Variants in GLT1D1 observed in about 807,000 individuals in gnomAD.
GLT1D1 encodes glycosyltransferase 1 domain-containing protein 1.
A neutral mutation model predicts 28.7 loss-of-function variants in GLT1D1; 21 were observed. The observed-to-expected ratio is 0.73, with a 90% CI of 0.52 to 1.05. GLT1D1 has a LOEUF of 1.05. Ranked by LOEUF, GLT1D1 falls within the 50% of genes least tolerant of loss-of-function variation. GLT1D1 has a pLI of 0.00. For synonymous variants in GLT1D1, 147 were observed against 124.8 expected (o/e 1.18, Z -1.19); for missense variants, 343 against 330.6 (o/e 1.04, Z -0.29).
chr12:128,867,646 C>T (rs755504028), intron 1 of GLT1D1, among the ~76,000 whole-genome samples: 6 of 152,148 alleles, frequency 3.9e-5, no homozygotes, highest in South Asian at 2.1e-4. Flanking sequence ...CCCCAGCAGG[C>T]GCCAGTGCCT....
chr12:128,957,684 G>T, intron 7 of GLT1D1, 41 bp downstream of exon 11: 1 of 1,247,974 alleles, frequency 8.0e-7, no homozygotes, highest in South Asian at 1.2e-5. Context: ...CACCTTATCT[G>T]AATAGTTTTC....
At chr12:128,937,417 A>C (rs1333580043) in intron 4 of GLT1D1, among the ~76,000 whole-genome samples, 7 of 152,156 alleles carry the variant, frequency 4.6e-5, no homozygotes, top group African/African-American at 1.7e-4. Flanking sequence ...AAGGTGGGCA[A>C]GTATCAAAAG....
intron 1 of GLT1D1, among the ~76,000 whole-genome samples, chr12:128,867,382 A>G (rs1436016951): frequency 7.6e-6 from 1 of 131,758 alleles, no homozygotes; most frequent in Non-Finnish European, 1.6e-5. Context: ...GGGCAACAAG[A>G]GTGAAACTCC....
chr12:128,933,839 C>T (rs1874211762), intron 4 of GLT1D1, among the ~76,000 whole-genome samples: 1 of 152,132 alleles, frequency 6.6e-6, no homozygotes, highest in African/African-American at 2.4e-5. Flanking sequence ...GGGACTAAGG[C>T]GATTTCATGC....
rs1354882088 is a variant in GLT1D1 at position 128,931,700 on chromosome 12, T to C, written c.376-13626T>C. ...GCACAGTGAGTGTAAAAAGTGTTTG[T>C]CTTCCCTCCTAAAGTGTCTGTTAGG... On this transcript the variant is annotated intron_variant, in intron 4 of 7. Transcript: ENST00000281703. Among the ~76,000 whole-genome samples, 3 of 152,292 alleles carry C rather than the reference T, an allele frequency of 2.0e-5. No individual in the cohort carries two copies. The East Asian group carries it at 5.8e-4, about 29-fold the overall frequency.
rs1434828366 is a variant in GLT1D1, at chr12:128,973,902, AGG to A, written c.640-9023_640-9022del. ...GTGTGTGTGTAGGGGGTGTGTGTGTAGGGGGTGTGTGTAGGGGGTGTGTGTGT... is the reference window on the plus strand; with the variant it reads ...GTGTGTGTGTAGGGGGTGTGTGTGTAGGGTGTGTGTAGGGGGTGTGTGTGT... On this transcript the variant is annotated intron_variant, in intron 7 of 7. Coordinates refer to ENST00000281703, the MANE Select transcript of GLT1D1 (RefSeq NM_144669.3). Among the ~76,000 whole-genome samples the A allele has an allele frequency of 3.1e-4, 21 of 68,456 alleles. No individual in the cohort carries two copies. The East Asian group carries it at 5.0e-3, about 16-fold the overall frequency. 44.9% of individuals were successfully genotyped at this position (68,456 alleles called of 152,430 possible).
chr12:128,894,625 C>T (rs890868674), intron 3 of GLT1D1, among the ~76,000 whole-genome samples: 3 of 151,928 alleles, frequency 2.0e-5, no homozygotes, highest in African/African-American at 7.3e-5. Context: ...GGGTGGATCA[C>T]TTGAGGCCAG....
At chr12:128,912,238 A>G (rs1180037557) in intron 4 of GLT1D1, among the ~76,000 whole-genome samples, 186 bp from the exon 5 acceptor site, 2 of 152,342 alleles carry the variant, frequency 1.3e-5, no homozygotes, top group South Asian at 2.1e-4. Context: ...GGCAAAACCT[A>G]TTAAAAAGCA....
At chr12:128,971,916 C>A (rs185157103) in intron 7 of GLT1D1, among the ~76,000 whole-genome samples, 5 of 142,138 alleles carry the variant, frequency 3.5e-5, no homozygotes, top group African/African-American at 1.1e-4. Context: ...CTCATCGTTC[C>A]GCATTAGTGA....
chr12:128,928,918 G>A (rs1214664281), intron 4 of GLT1D1, among the ~76,000 whole-genome samples: 3 of 152,050 alleles, frequency 2.0e-5, no homozygotes, highest in Non-Finnish European at 2.9e-5. Context: ...CACCGCACCC[G>A]GCCTCTTTGT....
chr12:128,914,984 G>A (rs1056085473), intron 4 of GLT1D1: 6 of 1,535,080 alleles, frequency 3.9e-6, no homozygotes, highest in African/African-American at 1.4e-5. Flanking sequence ...TTTCTTCAAC[G>A]CTCTGGTGAG....
intron 4 of GLT1D1, among the ~76,000 whole-genome samples, chr12:128,933,396 T>C (rs573423048): frequency 1.3e-5 from 2 of 152,410 alleles, no homozygotes; most frequent in South Asian, 4.1e-4. Context: ...TTTCTTTTAC[T>C]TCATGCAGTT....
intron 3 of GLT1D1, among the ~76,000 whole-genome samples, chr12:128,897,448 C>T (rs1050440628): frequency 2.0e-5 from 3 of 152,006 alleles, no homozygotes; most frequent in African/African-American, 7.2e-5. Context: ...TTTTCATACC[C>T]TGCCTGTGGT....
At chr12:128,865,497 C>A (rs1956490468) in intron 1 of GLT1D1, among the ~76,000 whole-genome samples, 1 of 151,994 alleles carries the variant, frequency 6.6e-6, no homozygotes, top group African/African-American at 2.4e-5. Flanking sequence ...CAAGCAACTA[C>A]AGATCAAAAT....
Position 128,919,992 on chromosome 12 carries a change from C to CTCTCT in GLT1D1, c.375+20705_375+20706insTCTCT, listed in dbSNP as rs1566133496. 5.4e-4 allele frequency among the ~76,000 whole-genome samples: 12 copies of CTCTCT among 22,020 alleles called. 1 individual carries two copies. Among genetic ancestry groups the CTCTCT allele is most frequent in the African/African-American group, 2.1e-3 (12 of 5,788 alleles). 14.4% of individuals were successfully genotyped at this position (22,020 alleles called of 152,430 possible). ...CTCTCTCTCTCTCTCTCTCTCTCTC[C>CTCTCT]CCCTCCATCTCTCTCTCTATCTCTC... On this transcript the variant is annotated intron_variant, in intron 4 of 7. Transcript: ENST00000281703.
At chr12:128,952,171 G>A (rs1189935660) in intron 6 of GLT1D1, among the ~76,000 whole-genome samples, 3 of 151,916 alleles carry the variant, frequency 2.0e-5, no homozygotes, top group Non-Finnish European at 2.9e-5. Flanking sequence ...ACTGGGAGAT[G>A]GGCAGGAAGC....
At chr12:128,969,616 C>G (rs1022724473) in intron 7 of GLT1D1, among the ~76,000 whole-genome samples, 2 of 152,208 alleles carry the variant, frequency 1.3e-5, no homozygotes, top group Non-Finnish European at 2.9e-5. Flanking sequence ...GGGCCATCAC[C>G]AAGGTGCGGA....
At chr12:128,928,014 A>C (rs999784200) in intron 4 of GLT1D1, among the ~76,000 whole-genome samples, 35 of 144,926 alleles carry the variant, frequency 2.4e-4, no homozygotes, top group African/African-American at 5.5e-4. Flanking sequence ...AAAAAAAAAA[A>C]AAAAAAAAAA....
intron 7 of GLT1D1, among the ~76,000 whole-genome samples, chr12:128,968,662 C>CAAT (rs1443308467): frequency 6.6e-6 from 1 of 152,026 alleles, no homozygotes; most frequent in African/African-American, 2.4e-5. Context: ...GACATCGTCT[C>CAAT]AATAATAATA....
Sources: allele counts gnomAD v4.1 joint callset (sites outside exome capture counted in the v4.1 genomes callset), GRCh38; gene constraint gnomAD v4.1.1; transcripts MANE v1.5; gene names NCBI Gene and HGNC (gene_info 2026-07-23, HGNC 2026-07-21).